The following RAB27B variants were observed in gnomAD, a reference collection of about 807,000 sequenced individuals.
The protein encoded by RAB27B is ras-related protein Rab-27B.
Under a neutral mutation model 24.6 loss-of-function variants are expected in RAB27B, and 15 were observed. The observed-to-expected ratio is 0.61, with a 90% confidence interval of 0.41 to 0.94. The LOEUF is 0.94. Among genes scored for constraint, RAB27B ranks in the 40% least tolerant of loss-of-function variants. The pLI is 0.00. For synonymous variants in RAB27B, 105 were observed against 92.5 expected (o/e 1.14, Z -0.78); for missense variants, 261 against 266.8 (o/e 0.98, Z 0.15).
At chr18:54,876,479 A>G (rs1912707885) in intron 1 of RAB27B, among the ~76,000 whole-genome samples, 1 of 152,310 alleles carries the variant, frequency 6.6e-6, no homozygotes, top group African/African-American at 2.4e-5. Flanking sequence ...CATTCTAGAA[A>G]AATCTTCATA....
chr18:54,819,942 A>T (rs1910250440), intron 2 of RAB27B, among the ~76,000 whole-genome samples: 1 of 152,122 alleles, frequency 6.6e-6, no homozygotes, highest in Non-Finnish European at 1.5e-5. Flanking sequence ...CCTACAAAGG[A>T]TATGAACTCA....
Position 54,892,702 on chromosome 18 carries a change from C to A in RAB27B, c.*3289C>A, listed in dbSNP as rs183633979. 9.9e-5 allele frequency: 15 copies of A among 152,162 alleles called. No individual in the cohort carries two copies. The East Asian group carries it at 2.7e-3, about 27-fold the overall frequency. 9.4% of individuals were successfully genotyped at this position (152,162 alleles called of 1,614,324 possible). ...GAGTTTTAAAACTCTTGCCAGTTAC[C>A]ACTTTATCCAATTTGCTATCATTTT... On this transcript the variant is annotated 3_prime_UTR_variant, in exon 6 of 6. Coordinates refer to ENST00000262094, the MANE Select transcript of RAB27B (RefSeq NM_004163.4).
intron 1 of RAB27B, among the ~76,000 whole-genome samples, chr18:54,866,068 T>C (rs1912206159): frequency 6.6e-6 from 1 of 151,820 alleles, no homozygotes; most frequent in Non-Finnish European, 1.5e-5. Context: ...TTCTGGAAAG[T>C]TTTATCAGTG....
intron 2 of RAB27B, among the ~76,000 whole-genome samples, chr18:54,738,390 G>T (rs888619979): frequency 1.3e-5 from 2 of 152,058 alleles, no homozygotes; most frequent in Non-Finnish European, 2.9e-5. Flanking sequence ...TCATGGGGGT[G>T]GTTTCTCCCA....
chr18:54,872,489 G>A (rs145852964), intron 1 of RAB27B, among the ~76,000 whole-genome samples: 1 of 152,064 alleles, frequency 6.6e-6, no homozygotes, highest in Non-Finnish European at 1.5e-5. Flanking sequence ...GCCAGGCATG[G>A]TGGTGCATGC....
intron 2 of RAB27B, among the ~76,000 whole-genome samples, chr18:54,777,980 T>C (rs1156802265): frequency 6.6e-6 from 1 of 152,216 alleles, no homozygotes; most frequent in Non-Finnish European, 1.5e-5. Flanking sequence ...ATGAAAACTT[T>C]TAAAAAGTCA....
chr18:54,751,411 G>A (rs1415829802), intron 2 of RAB27B, among the ~76,000 whole-genome samples: 1 of 152,156 alleles, frequency 6.6e-6, no homozygotes, highest in African/African-American at 2.4e-5. Flanking sequence ...TGATCAATTT[G>A]CTTTTGGACA....
At chr18:54,742,146 T>A (rs1030810145) in intron 2 of RAB27B, among the ~76,000 whole-genome samples, 1 of 152,154 alleles carries the variant, frequency 6.6e-6, no homozygotes, top group Non-Finnish European at 1.5e-5. Context: ...TTAGGACAAA[T>A]GACCAGGAGA....
chr18:54,819,704 T>C (rs1422254804), intron 2 of RAB27B, among the ~76,000 whole-genome samples: 2 of 152,040 alleles, frequency 1.3e-5, no homozygotes, highest in East Asian at 1.9e-4. Flanking sequence ...ATGTGCCATG[T>C]TGGTGTGCTG....
intron 1 of RAB27B, among the ~76,000 whole-genome samples, chr18:54,830,717 A>G (rs988528855): frequency 1.3e-5 from 2 of 152,188 alleles, no homozygotes; most frequent in African/African-American, 4.8e-5. Context: ...TGTAAACCCC[A>G]AATATGGAGT....
chr18:54,868,200 C>T (rs1299313813), intron 1 of RAB27B, among the ~76,000 whole-genome samples: 1 of 152,138 alleles, frequency 6.6e-6, no homozygotes, highest in Non-Finnish European at 1.5e-5. Flanking sequence ...GCTTGAACTA[C>T]TAAAGTGTGA....
intron 2 of RAB27B, among the ~76,000 whole-genome samples, chr18:54,747,543 A>G (rs1379665546): frequency 6.6e-6 from 1 of 152,222 alleles, no homozygotes; most frequent in Non-Finnish European, 1.5e-5. Flanking sequence ...TGGATAATTC[A>G]GTCTGAGGAG....
rs11363761 is a variant in RAB27B, at chr18:54,801,008, GTTTTTTTTTT to G, written c.-19-76544_-19-76535del. 8.6e-5 allele frequency among the ~76,000 whole-genome samples: 8 copies of G among 93,098 alleles called. No individual in the cohort carries two copies. In the South Asian group the frequency reaches 1.8e-3, roughly 20 times the overall value. The allele number at this position is 93,098 out of a possible 152,430, so 61.1% of individuals were successfully genotyped here. On this transcript the variant is annotated intron_variant, in intron 2 of 4. Coordinates refer to the RAB27B transcript ENST00000586570. ...ATTTTTAAATTTGTTTTGTTCCTGT[GTTTTTTTTTT>G]TTTTTTTTTTTTTTAACAGAGTCTT...
At chr18:54,775,839 G>A (rs755790470) in intron 2 of RAB27B, among the ~76,000 whole-genome samples, 3 of 152,148 alleles carry the variant, frequency 2.0e-5, no homozygotes, top group African/African-American at 4.8e-5. Flanking sequence ...ACTCATATCA[G>A]CTCATGGTCA....
intron 2 of RAB27B, among the ~76,000 whole-genome samples, chr18:54,807,705 T>C (rs1210284844): frequency 9.9e-5 from 15 of 152,146 alleles, no homozygotes; most frequent in Admixed American, 8.5e-4. Flanking sequence ...CTGTTGAACA[T>C]TCACTGGGGA....
At chr18:54,792,190 C>T (rs1474972624) in intron 2 of RAB27B, among the ~76,000 whole-genome samples, 2 of 152,156 alleles carry the variant, frequency 1.3e-5, no homozygotes, top group Non-Finnish European at 2.9e-5. Flanking sequence ...GAAACATTCA[C>T]CCCTAGGCAC....
intron 1 of RAB27B, among the ~76,000 whole-genome samples, chr18:54,857,034 G>A (rs2145229280): frequency 6.6e-6 from 1 of 152,184 alleles, no homozygotes. Context: ...CTTGGGTTTA[G>A]GGATCTACAT....
chr18:54,719,539 A>G (rs887466596), intron 2 of RAB27B, among the ~76,000 whole-genome samples: 2 of 152,096 alleles, frequency 1.3e-5, no homozygotes, highest in African/African-American at 4.8e-5. Flanking sequence ...ACATGTTTAT[A>G]TTGCTATATA....
intron 2 of RAB27B, among the ~76,000 whole-genome samples, chr18:54,748,332 G>A (rs565844652): frequency 1.3e-5 from 2 of 152,212 alleles, no homozygotes; most frequent in East Asian, 3.9e-4. Context: ...GATTCTCCCA[G>A]AACCTCACAG....
Sources: allele counts gnomAD v4.1 joint callset (sites outside exome capture counted in the v4.1 genomes callset), GRCh38; gene constraint gnomAD v4.1.1; transcripts MANE v1.5; gene names NCBI Gene and HGNC (gene_info 2026-07-23, HGNC 2026-07-21).